Variants in SIRPB1 observed in about 807,000 individuals in gnomAD.
The protein encoded by SIRPB1 is signal regulatory protein beta 1, also known as signal-regulatory protein beta-1.
A neutral mutation model predicts 34.1 loss-of-function variants in SIRPB1; 28 were observed. The ratio of observed to expected loss-of-function variants is 0.82; its 90% confidence interval spans 0.61 to 1.12. The LOEUF (loss-of-function observed/expected upper bound fraction) is 1.12, where lower values mean the gene tolerates loss of function less well. Ranked by LOEUF, SIRPB1 falls within the 50% of genes most tolerant of loss-of-function variation. SIRPB1 has a pLI of 0.00. For missense variants in SIRPB1, 499 were observed against 507.0 expected (o/e 0.98, Z 0.15); for synonymous variants, 211 against 203.8 (o/e 1.04, Z -0.30).
At chr20:1,618,939 G>A (rs1051215745) in intron 1 of SIRPB1, among the ~76,000 whole-genome samples, 6 of 152,200 alleles carry the variant, frequency 3.9e-5, no homozygotes, top group Non-Finnish European at 7.3e-5. Flanking sequence ...ACCTCTGAAC[G>A]TTACAGTTTG....
chr20:1,617,081 A>G (rs2091640606), intron 1 of SIRPB1, among the ~76,000 whole-genome samples: 2 of 152,218 alleles, frequency 1.3e-5, no homozygotes, highest in Admixed American at 1.3e-4. Context: ...ATTCTTGCAC[A>G]TAGTTAGTGG....
intron 1 of SIRPB1, among the ~76,000 whole-genome samples, chr20:1,613,950 C>A (rs575155362): frequency 6.6e-6 from 1 of 152,236 alleles, no homozygotes; most frequent in African/African-American, 2.4e-5. Flanking sequence ...ACATTATAAC[C>A]CAACTGTTGA....
chr20:1,616,992 G>A (rs1414039109), intron 1 of SIRPB1, among the ~76,000 whole-genome samples: 2 of 152,168 alleles, frequency 1.3e-5, no homozygotes, highest in Non-Finnish European at 2.9e-5. Flanking sequence ...ACCACAGTGA[G>A]CTATCATCTC....
At chr20:1,604,059 G>C (rs1423719813) in intron 1 of SIRPB1, 1 of 609,714 alleles carries the variant, frequency 1.6e-6, no homozygotes, top group Non-Finnish European at 2.2e-6. Context: ...AGTCTCTGGG[G>C]GTAGAACTTC....
rs2091089318 is a variant in SIRPB1, at chr20:1,562,444, C to G, written c.*3056G>C. ...GGATACAGATAATCCTCCCCCACCC[C>G]CAACCCCCCACGATATAACTGACAT... On this transcript the variant is annotated 3_prime_UTR_variant, in exon 6 of 6. Coordinates refer to ENST00000381605, the MANE Select transcript of SIRPB1 (RefSeq NM_006065.5). Among the ~76,000 whole-genome samples, 1 of 151,998 alleles carries G rather than the reference C, an allele frequency of 6.6e-6. No homozygotes were observed.
In SIRPB1 at chr20:1,569,970, C is replaced by T. The variant is rs2091202211; in HGVS notation, c.1084+835G>A. Among the ~76,000 whole-genome samples, 3 of 152,174 alleles carry T rather than the reference C, an allele frequency of 2.0e-5. No homozygotes were observed. The South Asian group carries it at 6.2e-4, about 32-fold the overall frequency. On this transcript the variant is annotated intron_variant, in intron 4 of 5. Transcript: ENST00000381605. ...CCAAATTTGGGTCCTTGGGACAAAG[C>T]GCAGCAGAAAGGGAAAGTTTCTCTA...
At chr20:1,614,492 T>C (rs1483312353) in intron 1 of SIRPB1, among the ~76,000 whole-genome samples, 1 of 151,904 alleles carries the variant, frequency 6.6e-6, no homozygotes, top group Non-Finnish European at 1.5e-5. Context: ...GTAAAACCCA[T>C]CATGGTTTTT....
rs1325235498 is a variant in SIRPB1 at position 1,565,156 on chromosome 20, G to A, written c.*344C>T. 1.0e-5 allele frequency: 4 copies of A among 397,938 alleles called. No homozygotes were observed. Among genetic ancestry groups the A allele is most frequent in the African/African-American group, 2.1e-5 (1 of 48,580 alleles). 24.7% of individuals were successfully genotyped at this position (397,938 alleles called of 1,614,324 possible). On this transcript the variant is annotated 3_prime_UTR_variant, in exon 6 of 6. Coordinates refer to ENST00000381605, the MANE Select transcript of SIRPB1 (RefSeq NM_006065.5). ...GGGTAGGCAGGAATCCAGAAGACAG[G>A]ATAACTCTTGAGAGCCTGGAGAGAG...
At position 1,563,410 on chromosome 20, in the gene SIRPB1, T is replaced by C. The variant is rs1440536617; in HGVS notation, c.*2090A>G. ...CAGGAGGCTGAGGCAGGAGAATCAC[T>C]TGAACCCTGGAGGCGGGGGTTGCAG... On this transcript the variant is annotated 3_prime_UTR_variant, in exon 6 of 6. Coordinates refer to ENST00000381605, the MANE Select transcript of SIRPB1 (RefSeq NM_006065.5). 6.6e-6 allele frequency: 1 copy of C among 152,144 alleles called. No homozygotes were observed. The highest frequency in any genetic ancestry group is 1.9e-4 in the East Asian group (1 of 5,190). 9.4% of individuals were successfully genotyped at this position (152,144 alleles called of 1,614,324 possible).
rs377231037 is a variant in SIRPB1, at chr20:1,577,718, G to A, written c.433+620C>T. 6.8e-5 allele frequency among the ~76,000 whole-genome samples: 10 copies of A among 146,440 alleles called. 1 individual carries two copies. Among genetic ancestry groups the A allele is most frequent in the African/African-American group, 1.7e-4 (7 of 40,336 alleles). Reference sequence around the variant, plus strand: ...TCCCACCAAGCCATCAGATTCAACCGTGAATGTGCCTCCGAGAAATCTTCC... The same window carrying A: ...TCCCACCAAGCCATCAGATTCAACCATGAATGTGCCTCCGAGAAATCTTCC... On this transcript the variant is annotated intron_variant, in intron 2 of 5. Coordinates refer to ENST00000381605, the MANE Select transcript of SIRPB1 (RefSeq NM_006065.5).
rs996814706 is a variant in SIRPB1 at position 1,564,608 on chromosome 20, G to A, written c.*892C>T. 18 of 265,076 alleles carry A rather than the reference G, an allele frequency of 6.8e-5. No individual in the cohort carries two copies. Among genetic ancestry groups the A allele is most frequent in the African/African-American group, 3.5e-4 (16 of 45,650 alleles). The allele number at this position is 265,076 out of a possible 1,614,324, so 16.4% of individuals were successfully genotyped here. A position where few individuals can be genotyped will look rare whatever the true frequency, so the allele number is the denominator to read the frequency against. On this transcript the variant is annotated 3_prime_UTR_variant, in exon 6 of 6. Coordinates refer to ENST00000381605, the MANE Select transcript of SIRPB1 (RefSeq NM_006065.5). The stretch of plus-strand genomic sequence containing the variant: ...TGGAGGTGAGAGGTGTGGAGAATAG[G>A]GATTTAACTCTGAGGTTTCCAGCAG...
At chr20:1,614,836 A>G (rs972702677) in intron 1 of SIRPB1, among the ~76,000 whole-genome samples, 6 of 152,034 alleles carry the variant, frequency 3.9e-5, no homozygotes, top group Non-Finnish European at 8.8e-5. Flanking sequence ...TGCTACTCTG[A>G]TTGGCTCCAC....
At chr20:1,612,627 A>G (rs552207520) in intron 1 of SIRPB1, among the ~76,000 whole-genome samples, 1 of 72,776 alleles carries the variant, frequency 1.4e-5, no homozygotes, top group East Asian at 5.8e-4. Context: ...AGAACTGCCA[A>G]TCCACACTGA....
chr20:1,571,977 A>T lies in SIRPB1; in HGVS notation c.494T>A (p.Val165Glu). 2 of 1,614,070 alleles carry T rather than the reference A, an allele frequency of 1.2e-6. No homozygotes were observed. The highest frequency in any genetic ancestry group is 8.5e-7 in the Non-Finnish European group (1 of 1,179,992). The change falls in exon 3 of 6, where the codon GTG becomes GAG. Residue 165 changes from valine to glutamate, a missense_variant. By Grantham distance (121) the Val-to-Glu change is moderately radical. Transcript: ENST00000381605. ...GCCATGGGACTCGCAGGTGAAGCTC[A>T]CTGTGTGCTCAGGTGTGGCCCTCAC... is the stretch of plus-strand genomic sequence containing the variant. ...PAVRATPEHTVSFTCESHGFS... is the reference protein window; with the variant it reads ...PAVRATPEHTESFTCESHGFS...
Position 1,571,717 on chromosome 20 carries a change from T to C in SIRPB1, c.751+3A>G, listed in dbSNP as rs930906079. The stretch of plus-strand genomic sequence containing the variant: ...GCTTGGGCTGGGTGTGAGGGTCTTC[T>C]ACCTCGGATGGCCTCAGACAAGTTG... On this transcript the variant is annotated splice_donor_region_variant and intron_variant, in intron 3 of 5. Coordinates refer to ENST00000381605, the MANE Select transcript of SIRPB1 (RefSeq NM_006065.5). The C allele has an allele frequency of 6.2e-7, 1 of 1,614,048 alleles. No homozygotes were observed. Among genetic ancestry groups the C allele is most frequent in the African/African-American group, 1.3e-5 (1 of 74,918 alleles).
chr20:1,617,464 A>G (rs2091646494), intron 1 of SIRPB1, among the ~76,000 whole-genome samples: 1 of 152,216 alleles, frequency 6.6e-6, no homozygotes, highest in South Asian at 2.1e-4. Context: ...AATGTCTCTC[A>G]TATGTGGAAT....
rs557207506 is a variant in SIRPB1 at position 1,572,711 on chromosome 20, A to G, written c.434-674T>C. Among the ~76,000 whole-genome samples, 1,310 of 151,838 alleles carry G rather than the reference A, an allele frequency of 8.6e-3. 11 individuals are homozygous for G. Among genetic ancestry groups the G allele is most frequent in the Non-Finnish European group, 0.013 (855 of 67,900 alleles). ...TTTAGGTATTATAAAAATATGAAAC[A>G]TTCCGTATTTTTCTTTTCACAAATA... is the stretch of plus-strand genomic sequence containing the variant. On this transcript the variant is annotated intron_variant, in intron 2 of 5. Transcript: ENST00000381605.
chr20:1,580,519 G>A (rs2091387414), intron 1 of SIRPB1, among the ~76,000 whole-genome samples: 1 of 65,838 alleles, frequency 1.5e-5, no homozygotes, highest in Admixed American at 1.2e-4. Context: ...CAGAAACTTA[G>A]GAATTGAAAG....
In SIRPB1 at chr20:1,562,746, C is replaced by G. The variant is rs557890295; in HGVS notation, c.*2754G>C. 6.6e-6 allele frequency among the ~76,000 whole-genome samples: 1 copy of G among 152,306 alleles called. No individual in the cohort carries two copies. The highest frequency in any genetic ancestry group is 2.1e-4 in the South Asian group (1 of 4,828). On this transcript the variant is annotated 3_prime_UTR_variant, in exon 6 of 6. Transcript: ENST00000381605. Reference sequence around the variant, plus strand: ...GTTGGTGATTGGTCCCTATGGCTCTCCTACTCAAACAGCAAATCCTATAGT... The same window carrying G: ...GTTGGTGATTGGTCCCTATGGCTCTGCTACTCAAACAGCAAATCCTATAGT...
Sources: allele counts gnomAD v4.1 joint callset (sites outside exome capture counted in the v4.1 genomes callset), GRCh38; gene constraint gnomAD v4.1.1; transcripts MANE v1.5; gene names NCBI Gene and HGNC (gene_info 2026-07-23, HGNC 2026-07-21).